Variants in PDCL observed in about 807,000 individuals in gnomAD.
PDCL encodes phosducin like.
Under a neutral mutation model 26.7 loss-of-function variants are expected in PDCL, and 11 were observed. That is an observed-to-expected ratio of 0.41 (90% CI 0.26 to 0.68). PDCL has a LOEUF of 0.68. Ranked by LOEUF, PDCL falls within the 30% of genes least tolerant of loss-of-function variation. The pLI is 0.30. For missense variants in PDCL, 330 were observed against 371.6 expected, an observed-to-expected ratio of 0.89 and a Z score of 0.92; for synonymous variants, 118 against 134.9, an observed-to-expected ratio of 0.87 and a Z score of 0.87.
intron 2 of PDCL, 104 bp from the exon 3 acceptor site, chr9:122,823,301 T>C: frequency 9.3e-7 from 1 of 1,071,994 alleles, no homozygotes; most frequent in South Asian, 1.4e-5. Flanking sequence ...GCTTGCTCCA[T>C]CTACTGCACA....
At chr9:122,824,219 G>A (rs1829593119) in intron 2 of PDCL, among the ~76,000 whole-genome samples, 2 of 152,200 alleles carry the variant, frequency 1.3e-5, no homozygotes, top group African/African-American at 4.8e-5. Flanking sequence ...TACCTCCTGT[G>A]GGATGAGTAC....
At chr9:122,823,770 AT>A (rs5900545) in intron 2 of PDCL, among the ~76,000 whole-genome samples, 293 of 137,172 alleles carry the variant, frequency 2.1e-3, no homozygotes, top group South Asian at 2.8e-3. Context: ...TATTATCTGA[AT>A]TTTTTTTTTT....
chr9:122,818,909 A>G lies in PDCL; in HGVS notation c.*1176T>C, dbSNP rs1829518937. 6.6e-6 allele frequency: 1 copy of G among 152,148 alleles called. No homozygotes were observed. Among genetic ancestry groups the G allele is most frequent in the African/African-American group, 2.4e-5 (1 of 41,450 alleles). 9.4% of individuals were successfully genotyped at this position (152,148 alleles called of 1,614,324 possible). On this transcript the variant is annotated 3_prime_UTR_variant, in exon 4 of 4. Transcript: ENST00000259467. ...TACAATGAACATCTATCACTTTTGT[A>G]ATTTAAAAAAAGTATTTGCTATCTT...
At chr9:122,827,786 C>G (rs1829648372) in intron 1 of PDCL, among the ~76,000 whole-genome samples, 1 of 152,052 alleles carries the variant, frequency 6.6e-6, no homozygotes, top group Admixed American at 6.6e-5. Flanking sequence ...TCAGAAGTAG[C>G]CAAGGGCATT....
intron 2 of PDCL, among the ~76,000 whole-genome samples, chr9:122,824,391 G>T (rs181621320): frequency 6.6e-6 from 1 of 152,076 alleles, no homozygotes; most frequent in African/African-American, 2.4e-5. Context: ...TCTATGCTTC[G>T]CCATGAAAAC....
At chr9:122,822,146 T>C (rs765047411) in intron 3 of PDCL, among the ~76,000 whole-genome samples, 27 of 152,130 alleles carry the variant, frequency 1.8e-4, no homozygotes, top group Non-Finnish European at 3.7e-4. Flanking sequence ...CCTGATCCTG[T>C]GTGGTATTTT....
At chr9:122,825,934 G>A (rs147379037) in intron 2 of PDCL, among the ~76,000 whole-genome samples, 269 of 152,172 alleles carry the variant, frequency 1.8e-3, no homozygotes, top group Middle Eastern at 0.01. Flanking sequence ...GGTGGCAAGC[G>A]CCTGTGGTCC....
chr9:122,822,967 T>A, intron 3 of PDCL, 49 bp downstream of exon 3: 1 of 1,527,418 alleles, frequency 6.5e-7, no homozygotes, highest in Non-Finnish European at 9.1e-7. Context: ...CTCACCCAGC[T>A]CTAGCAGCCA....
At position 122,826,793 on chromosome 9, in the gene PDCL, C is replaced by T; in HGVS notation, c.-5-1G>A. 1.9e-6 allele frequency: 3 copies of T among 1,613,288 alleles called. No individual in the cohort carries two copies. The highest frequency in any genetic ancestry group is 2.5e-6 in the Non-Finnish European group (3 of 1,179,638). ...TTATCATCAAGGGTGGTCATGGTGT[C>T]TGGAAAAAGAAAGCATATCAGGTTC... On this transcript the variant is annotated splice_acceptor_variant, in intron 1 of 3. Coordinates refer to ENST00000259467, the MANE Select transcript of PDCL (RefSeq NM_005388.5). LOFTEE classifies it low-confidence loss of function (5UTR_SPLICE).
At chr9:122,826,233 TTAAAC>T (rs1829626985) in intron 2 of PDCL, among the ~76,000 whole-genome samples, 1 of 152,220 alleles carries the variant, frequency 6.6e-6, no homozygotes, top group Non-Finnish European at 1.5e-5. Context: ...AGATTGCTGA[TTAAAC>T]TATAAACTAC....
chr9:122,820,664 A>C, intron 3 of PDCL, 28 bp from the exon 4 acceptor site: 1 of 1,570,410 alleles, frequency 6.4e-7, no homozygotes, highest in South Asian at 1.2e-5. Flanking sequence ...AGTGAGCATA[A>C]ATATGAAAAC....
Position 122,820,057 on chromosome 9 carries a change from G to A in PDCL, c.*28C>T. On this transcript the variant is annotated 3_prime_UTR_variant, in exon 4 of 4. Transcript: ENST00000259467. ...TGACGTGTATTCCAACCCAAACAAT[G>A]AGAAATCTATGCAACTAGACTATCA... 1 of 1,533,558 alleles carries A rather than the reference G, an allele frequency of 6.5e-7. No homozygotes were observed. Among genetic ancestry groups the A allele is most frequent in the Non-Finnish European group, 8.8e-7 (1 of 1,139,274 alleles). 95.0% of individuals were successfully genotyped at this position (1,533,558 alleles called of 1,614,324 possible).
In PDCL at chr9:122,820,121, C is replaced by A. The variant is rs370824486; in HGVS notation, c.870G>T (p.Thr290=). The A allele has an allele frequency of 6.2e-7, 1 of 1,612,348 alleles. No individual in the cohort carries two copies. The highest frequency in any genetic ancestry group is 8.5e-7 in the Non-Finnish European group (1 of 1,179,200). The stretch of plus-strand genomic sequence containing the variant: ...CCAGGTCGCTATCCTCACTGTGACA[C>A]GTGGCAGAGTTACGCACAGATGTCA... ...LVLTSVRNSA[T]CHSEDSDLEI... The change falls in exon 4 of 4, where the codon ACG becomes ACT. Residue 290 remains threonine, a synonymous_variant. Coordinates refer to ENST00000259467, the MANE Select transcript of PDCL (RefSeq NM_005388.5).
Position 122,818,736 on chromosome 9 carries a change from T to TA in PDCL, c.*1348dup, listed in dbSNP as rs1028542610. On this transcript the variant is annotated 3_prime_UTR_variant, in exon 4 of 4. Coordinates refer to ENST00000259467, the MANE Select transcript of PDCL (RefSeq NM_005388.5). Reference sequence around the variant, plus strand: ...ACCCTAGAATATACATTTTTAAAGTTAAAAAAAGGAAAAAAACGCAAATGA... The same window carrying TA: ...ACCCTAGAATATACATTTTTAAAGTTAAAAAAAAGGAAAAAAACGCAAATGA... 1 of 151,040 alleles carries TA rather than the reference T, an allele frequency of 6.6e-6. No individual in the cohort carries two copies. Among genetic ancestry groups the TA allele is most frequent in the African/African-American group, 2.4e-5 (1 of 41,062 alleles). The allele number at this position is 151,040 out of a possible 1,614,324, so 9.4% of individuals were successfully genotyped here. A position where few individuals can be genotyped will look rare whatever the true frequency, so the allele number is the denominator to read the frequency against.
intron 1 of PDCL, 31 bp from the exon 2 acceptor site, chr9:122,826,823 C>A (rs764794153): frequency 9.3e-6 from 15 of 1,606,606 alleles, no homozygotes; most frequent in Non-Finnish European, 1.1e-5. Flanking sequence ...AGGTTCTTTG[C>A]TGATTTGAGC....
In PDCL at chr9:122,828,461, A is replaced by G. The variant is rs1365231096; in HGVS notation, c.-6+10T>C. 1.3e-5 allele frequency: 2 copies of G among 152,484 alleles called. No homozygotes were observed. Among genetic ancestry groups the G allele is most frequent in the Non-Finnish European group, 2.9e-5 (2 of 68,302 alleles). The allele number at this position is 152,484 out of a possible 1,614,324, so 9.4% of individuals were successfully genotyped here. ...TGCTGCCGCTTCCCGGTGGACCCCA[A>G]TGCAGTTACCTGCCCTAGCTCGCTC... On this transcript the variant is annotated intron_variant, in intron 1 of 3. Transcript: ENST00000259467.
chr9:122,823,102 T>C lies in PDCL; in HGVS notation c.268A>G (p.Lys90Glu). 1 of 1,614,188 alleles carries C rather than the reference T, an allele frequency of 6.2e-7. No individual in the cohort carries two copies. Among genetic ancestry groups the C allele is most frequent in the Non-Finnish European group, 8.5e-7 (1 of 1,180,026 alleles). ...TGGGACCTGCAAGTCATTGACAGCT[T>C]CTTGATCAGCCTTTCCATCTCCCGG... ...QCREMERLIK[K>E]LSMTCRSHLD... is the part of the protein sequence containing the mutation. Residue 90 changes from lysine to glutamate, a missense_variant, in exon 3 of 4, where the codon AAG becomes GAG. Transcript: ENST00000259467.
chr9:122,826,467 C>T (rs749676635), intron 2 of PDCL, 149 bp downstream of exon 2: 102 of 614,978 alleles, frequency 1.7e-4, no homozygotes, highest in Non-Finnish European at 2.5e-4. Flanking sequence ...AGGCTAGAAG[C>T]ACACATAATG....
At chr9:122,824,746 T>C (rs567411622) in intron 2 of PDCL, among the ~76,000 whole-genome samples, 11 of 152,374 alleles carry the variant, frequency 7.2e-5, no homozygotes, top group African/African-American at 2.4e-4. Context: ...ATATATTTAA[T>C]GCATTCCCAA....
Sources: gnomAD v4.1 joint callset for allele counts (sites outside exome capture counted in the v4.1 genomes callset) on GRCh38, gnomAD v4.1.1 for gene constraint, MANE v1.5 for transcripts, NCBI Gene and HGNC (gene_info 2026-07-23, HGNC 2026-07-21) for gene names.